ZFHX3: variants seen among roughly 807,000 people sequenced by gnomAD.
ZFHX3 encodes zinc finger homeobox protein 3.
In ZFHX3, 42 loss-of-function variants were observed where a neutral mutation model predicts 279.1. The ratio of observed to expected loss-of-function variants is 0.15; its 90% CI spans 0.12 to 0.19. The LOEUF (loss-of-function observed/expected upper bound fraction) is 0.19. Among genes scored for constraint, ZFHX3 ranks in the 10% least tolerant of loss-of-function variants. The pLI is 1.00. For synonymous variants in ZFHX3, 2,293 were observed against 1,957.8 expected (o/e 1.17, Z -4.52); for missense variants, 4,981 against 4,754.0 (o/e 1.05, Z -1.40).
At chr16:73,063,086 T>G (rs1965706132), upstream of ZFHX3, among the ~76,000 whole-genome samples, 1 of 152,090 alleles carries the variant, frequency 6.6e-6, no homozygotes, top group Admixed American at 6.5e-5. Flanking sequence ...GCCTCGTCCT[T>G]TTGTGGTCTC....
intron 3 of ZFHX3, among the ~76,000 whole-genome samples, chr16:72,915,273 A>G (rs1448803570): frequency 6.6e-6 from 1 of 152,186 alleles, no homozygotes; most frequent in East Asian, 1.9e-4. Context: ...ACTAATAAAG[A>G]ATCACACCAT....
chr16:72,900,797 C>T (rs1223972499), intron 3 of ZFHX3, among the ~76,000 whole-genome samples: 9 of 152,308 alleles, frequency 5.9e-5, no homozygotes, highest in South Asian at 4.1e-4. Flanking sequence ...GTCATCATGA[C>T]GCCGATCTGG....
chr16:73,757,077 T>A (rs1264626942), intron 1 of ZFHX3, among the ~76,000 whole-genome samples: 1 of 152,090 alleles, frequency 6.6e-6, no homozygotes, highest in Non-Finnish European at 1.5e-5. Flanking sequence ...GATGCTTCAG[T>A]GTCTCTTCTG....
chr16:73,881,292 G>A lies in ZFHX3; in HGVS notation c.-1608+10359C>T, dbSNP rs567920482. ...AGACAAGCCCCACTGGAAAGAATTC[G>A]GTCTGTCACGACATGCAGGAGAATT... On this transcript the variant is annotated intron_variant, in intron 1 of 17. Transcript: ENST00000641206. Among the ~76,000 whole-genome samples the A allele has an allele frequency of 6.2e-4, 94 of 152,172 alleles. 1 individual carries two copies. Among genetic ancestry groups the A allele is most frequent in the African/African-American group, 2.2e-3 (91 of 41,518 alleles).
chr16:73,549,691 G>T (rs1213089289), intron 2 of ZFHX3, among the ~76,000 whole-genome samples: 1 of 152,072 alleles, frequency 6.6e-6, no homozygotes, highest in Admixed American at 6.6e-5. Flanking sequence ...CAAAATCCCA[G>T]TCCAAACACA....
intron 1 of ZFHX3, among the ~76,000 whole-genome samples, chr16:73,031,395 G>C (rs948690146): frequency 1.3e-5 from 2 of 152,124 alleles, no homozygotes; most frequent in Non-Finnish European, 2.9e-5. Context: ...AACTCTAGGG[G>C]GCAGGTCGGG....
intron 2 of ZFHX3, among the ~76,000 whole-genome samples, chr16:73,498,617 G>A (rs2019181836): frequency 6.6e-6 from 1 of 152,234 alleles, no homozygotes; most frequent in South Asian, 2.1e-4. Flanking sequence ...GGACACACAA[G>A]TGAACTCAGG....
chr16:73,449,188 T>A (rs376055063), intron 3 of ZFHX3, among the ~76,000 whole-genome samples: 2 of 152,228 alleles, frequency 1.3e-5, no homozygotes, highest in East Asian at 3.8e-4. Flanking sequence ...GGAAAGAAAG[T>A]GTGATTCCTC....
At chr16:73,852,459 A>T (rs533730579) in intron 1 of ZFHX3, among the ~76,000 whole-genome samples, 198 of 152,282 alleles carry the variant, frequency 1.3e-3, no homozygotes, top group African/African-American at 3.0e-3. Context: ...GTGATTTTTT[A>T]AAAAATTACA....
intron 3 of ZFHX3, among the ~76,000 whole-genome samples, chr16:73,349,520 G>C (rs2016184814): frequency 6.6e-6 from 1 of 152,140 alleles, no homozygotes; most frequent in South Asian, 2.1e-4. Flanking sequence ...ATCATTTCAA[G>C]AGATAAGGAG....
At chr16:73,086,836 G>A (rs1042701738) in intron 8 of ZFHX3, among the ~76,000 whole-genome samples, 1 of 152,142 alleles carries the variant, frequency 6.6e-6, no homozygotes, top group Non-Finnish European at 1.5e-5. Flanking sequence ...CCAGGAGGTT[G>A]AGGCTGCAAT....
intron 2 of ZFHX3, among the ~76,000 whole-genome samples, chr16:73,478,540 G>T (rs2018810106): frequency 1.3e-5 from 2 of 152,220 alleles, no homozygotes; most frequent in Admixed American, 1.3e-4. Flanking sequence ...GGGACCTCTT[G>T]GTACCCTATA....
intron 1 of ZFHX3, among the ~76,000 whole-genome samples, chr16:73,056,888 T>A (rs1260797073): frequency 1.3e-5 from 2 of 152,204 alleles, no homozygotes; most frequent in Admixed American, 1.3e-4. Context: ...GGAAAAAAAG[T>A]AATTTTTTAA....
chr16:73,594,802 T>C (rs1175337298), intron 2 of ZFHX3, among the ~76,000 whole-genome samples: 1 of 152,252 alleles, frequency 6.6e-6, no homozygotes, highest in South Asian at 2.1e-4. Flanking sequence ...CTTTGAGCCA[T>C]GAAATACTTA....
At position 72,812,010 on chromosome 16, in the gene ZFHX3, C is replaced by A. The variant is rs2036468229; in HGVS notation, c.3558G>T (p.Leu1186=). The change falls in exon 6 of 10, where the codon CTG becomes CTT. Residue 1186 remains leucine (L), a synonymous_variant. Coordinates refer to ENST00000268489, the MANE Select transcript of ZFHX3 (RefSeq NM_006885.4). ...GTTTGGAGGTTGCAGGAGAATCTGTCAGCTCCTTCTCTGCTTGGCTGGACG... is the reference window on the plus strand; with the variant it reads ...GTTTGGAGGTTGCAGGAGAATCTGTAAGCTCCTTCTCTGCTTGGCTGGACG... ...GASSSQAEKE[L]TDSPATSKRI... The A allele has an allele frequency of 6.2e-6, 10 of 1,614,122 alleles. No individual in the cohort carries two copies. The highest frequency in any genetic ancestry group is 8.5e-6 in the Non-Finnish European group (10 of 1,180,030).
intron 3 of ZFHX3, among the ~76,000 whole-genome samples, chr16:73,416,689 T>C (rs867162006): frequency 1.3e-3 from 200 of 151,958 alleles, no homozygotes; most frequent in South Asian, 5.6e-3. Context: ...CTGGCTAACA[T>C]GGTGAAACCC....
chr16:73,742,050 G>C (rs1597090911), intron 1 of ZFHX3, among the ~76,000 whole-genome samples: 1 of 152,166 alleles, frequency 6.6e-6, no homozygotes, highest in Non-Finnish European at 1.5e-5. Context: ...CATTTCAAGG[G>C]TGCATATCAT....
intron 4 of ZFHX3, among the ~76,000 whole-genome samples, chr16:72,848,920 C>G (rs768917675): frequency 0.075 from 3 of 40 alleles, no homozygotes; most frequent in Non-Finnish European, 0.12. Flanking sequence ...GGCAGGCAGG[C>G]AGAGCGCCGG....
chr16:72,860,715 C>T (rs771783275), intron 4 of ZFHX3, among the ~76,000 whole-genome samples: 30 of 152,200 alleles, frequency 2.0e-4, no homozygotes, highest in Non-Finnish European at 3.5e-4. Flanking sequence ...CAGGTGTCAG[C>T]TACCACGCCC....
Sources: gnomAD v4.1 joint callset for allele counts (sites outside exome capture counted in the v4.1 genomes callset) on GRCh38, gnomAD v4.1.1 for gene constraint, MANE v1.5 for transcripts, NCBI Gene and HGNC (gene_info 2026-07-23, HGNC 2026-07-21) for gene names.